CSPG4: variants seen among roughly 807,000 people sequenced by gnomAD.
CSPG4 encodes chondroitin sulfate proteoglycan 4 (melanoma-associated).
In CSPG4, 74 loss-of-function variants were observed where a neutral mutation model predicts 139.3. The observed-to-expected ratio is 0.53, with a 90% CI of 0.44 to 0.64. The LOEUF is 0.64. Among genes scored for constraint, CSPG4 ranks in the 30% least tolerant of loss-of-function variants. The pLI is 0.00. For synonymous variants in CSPG4, 1,234 were observed against 1,394.2 expected (o/e 0.89, Z 2.56); for missense variants, 2,565 against 3,148.3 (o/e 0.81, Z 4.43).
intron 3 of CSPG4, among the ~76,000 whole-genome samples, chr15:75,686,920 C>T (rs1894067558): frequency 6.6e-6 from 1 of 152,154 alleles, no homozygotes; most frequent in Admixed American, 6.5e-5. Context: ...ATCCCCAAAG[C>T]TCAGGACCCG....
At chr15:75,691,635 G>T (rs1196228501) in intron 2 of CSPG4, among the ~76,000 whole-genome samples, 2 of 152,118 alleles carry the variant, frequency 1.3e-5, no homozygotes, top group African/African-American at 2.4e-5. Context: ...AATACTCTGT[G>T]TTCTGAAAAA....
Position 75,687,910 on chromosome 15 carries a change from G to A in CSPG4, c.3155C>T (p.Ala1052Val). The change falls in exon 3 of 10, where the codon GCT becomes GTT. Residue 1052 changes from alanine to valine, a missense_variant. By Grantham distance (64) the Ala-to-Val change is moderately conservative. This residue lies in a region of CSPG4 where 2,316 missense variants were observed against 2,818.2 expected (regional missense o/e 0.82). Transcript: ENST00000308508. This position sits in a 1 kb window ranked among gnomAD's most constrained non-coding sequence, Gnocchi z 5.4. Reference sequence around the variant, plus strand: ...GCGGGTAAGCACCAGCTGGGCGTCAGCAAAGCCCGAGTCAGCATCGCTGAA... The same window carrying A: ...GCGGGTAAGCACCAGCTGGGCGTCAACAAAGCCCGAGTCAGCATCGCTGAA... ...VAFSDADSGF[A>V]DAQLVLTRKD... 1 of 1,612,976 alleles carries A rather than the reference G, an allele frequency of 6.2e-7. No homozygotes were observed. Among genetic ancestry groups the A allele is most frequent in the Non-Finnish European group, 8.5e-7 (1 of 1,180,038 alleles).
At chr15:75,677,476 T>TC (rs1596005429) in intron 9 of CSPG4, 92 bp from the exon 10 acceptor site, 1 of 1,330,530 alleles carries the variant, frequency 7.5e-7, no homozygotes, top group Non-Finnish European at 9.9e-7. Flanking sequence ...AGGATGTGCC[T>TC]CCCCCCAACC....
In CSPG4 at chr15:75,676,227, G is replaced by GCACGCGGAC. The variant is rs763615709; in HGVS notation, c.6283_6291dup (p.Val2095_Val2097dup). The GCACGCGGAC allele has an allele frequency of 2.6e-6, 4 of 1,552,142 alleles. No homozygotes were observed. The South Asian group carries it at 4.6e-5, about 18-fold the overall frequency. Reference sequence around the variant, plus strand: ...CCCCCGGGCTCCGTCCTGGCTCGGGGCACGCGGACCACGCGGCCATGCCGG... The same window carrying GCACGCGGAC: ...CCCCCGGGCTCCGTCCTGGCTCGGGGCACGCGGACCACGCGGACCACGCGGCCATGCCGG... On this transcript the variant is annotated inframe_insertion, in exon 10 of 10. Transcript: ENST00000308508.
intron 5 of CSPG4, among the ~76,000 whole-genome samples, chr15:75,683,456 C>T (rs1221639780): frequency 6.6e-6 from 1 of 152,174 alleles, no homozygotes; most frequent in East Asian, 1.9e-4. Context: ...GTGTGCCTGG[C>T]CGGGGCCGGG....
rs1456500487 is a variant in CSPG4 at position 75,685,587 on chromosome 15, G to A, written c.3904C>T (p.Leu1302=). The A allele has an allele frequency of 6.2e-7, 1 of 1,609,636 alleles. No homozygotes were observed. The highest frequency in any genetic ancestry group is 1.7e-5 in the Admixed American group (1 of 59,782). ...RGALADEPPS[L]DPVQSFSQEA... is the part of the protein sequence containing the mutation. The stretch of plus-strand genomic sequence containing the variant: ...TGGGAGAAGCTCTGCACAGGGTCCA[G>A]GCTGGGTGGCTCATCTGCCAAGGCG... Residue 1302 remains leucine (L), a synonymous_variant, in exon 4 of 10, where the codon CTG becomes TTG. Coordinates refer to ENST00000308508, the MANE Select transcript of CSPG4 (RefSeq NM_001897.5).
chr15:75,675,292 G>A lies in CSPG4; in HGVS notation c.*258C>T, dbSNP rs1893873119. On this transcript the variant is annotated 3_prime_UTR_variant, in exon 10 of 10. Coordinates refer to ENST00000308508, the MANE Select transcript of CSPG4 (RefSeq NM_001897.5). ...GACAGCCCAAACCAGCTCCAGGGCA[G>A]GAGGACTGAACTTAAGCCTGCCTCC... is the stretch of plus-strand genomic sequence containing the variant. 2.7e-6 allele frequency: 1 copy of A among 373,936 alleles called. No homozygotes were observed. Among genetic ancestry groups the A allele is most frequent in the South Asian group, 1.4e-4 (1 of 6,924 alleles). The allele number at this position is 373,936 out of a possible 1,614,324, so 23.2% of individuals were successfully genotyped here. A position where few individuals can be genotyped will look rare whatever the true frequency, so the allele number is the denominator to read the frequency against.
chr15:75,700,061 A>G (rs1423697890), intron 1 of CSPG4, among the ~76,000 whole-genome samples: 1 of 152,122 alleles, frequency 6.6e-6, no homozygotes, highest in African/African-American at 2.4e-5. Flanking sequence ...GGCATCTCCC[A>G]TGTTACAGGT....
At chr15:75,712,863 T>C (rs995148522), upstream of CSPG4, 172 of 934,252 alleles carry the variant, frequency 1.8e-4, 1 homozygote, top group Non-Finnish European at 2.3e-4. Context: ...CGGCTCCGGG[T>C]GTCCGCGCAC....
At chr15:75,684,472 AG>A (rs1894024033) in intron 5 of CSPG4, among the ~76,000 whole-genome samples, 2 of 152,386 alleles carry the variant, frequency 1.3e-5, no homozygotes, top group Non-Finnish European at 2.9e-5. Flanking sequence ...CCACAGAAGA[AG>A]GAACAGCAGA....
In CSPG4 at chr15:75,678,591, C is replaced by T. The variant is rs371786826; in HGVS notation, c.4951-705G>A. On this transcript the variant is annotated intron_variant, in intron 8 of 9. Coordinates refer to ENST00000308508, the MANE Select transcript of CSPG4 (RefSeq NM_001897.5). ...CTGGTCTTGAACTTCTGGGCTCAAG[C>T]GGTCCACTTGCCTCGGCCTCCCAGA... 3.8e-4 allele frequency: 171 copies of T among 453,468 alleles called. 1 individual carries two copies. Among genetic ancestry groups the T allele is most frequent in the African/African-American group, 2.9e-3 (146 of 50,128 alleles). 28.1% of individuals were successfully genotyped at this position (453,468 alleles called of 1,614,324 possible).
intron 1 of CSPG4, among the ~76,000 whole-genome samples, chr15:75,706,587 C>T (rs1894376403): frequency 1.3e-5 from 2 of 152,120 alleles, no homozygotes; most frequent in South Asian, 4.1e-4. Context: ...AGGAGAGGGG[C>T]CATCCAGGTC....
Position 75,689,235 on chromosome 15 carries a change from C to T in CSPG4, c.1830G>A (p.Gly610=), listed in dbSNP as rs763597889. ...GGCAGGAGAACTCGGTCGCCGGCTC[C>T]CCAGGCTGGTCTCGGCGCTCCACGG... ...GLPVERRDQP[G]EPATEFSCRE... is the part of the protein sequence containing the mutation. Residue 610 remains glycine, a synonymous_variant, in exon 3 of 10, where the codon GGG becomes GGA. Coordinates refer to ENST00000308508, the MANE Select transcript of CSPG4 (RefSeq NM_001897.5). The T allele has an allele frequency of 6.2e-5, 100 of 1,610,130 alleles. 1 individual carries two copies. The highest frequency in any genetic ancestry group is 1.0e-4 in the Admixed American group (6 of 59,972).
At chr15:75,685,752 A>G (rs1195807998) in intron 3 of CSPG4, 51 bp from the exon 4 acceptor site, 1 of 1,534,890 alleles carries the variant, frequency 6.5e-7, no homozygotes, top group East Asian at 2.3e-5. Context: ...AGGGGGTCTC[A>G]GAGGGGTCCA....
intron 3 of CSPG4, among the ~76,000 whole-genome samples, chr15:75,686,288 C>T (rs1027499100): frequency 6.6e-6 from 1 of 152,356 alleles, no homozygotes; most frequent in East Asian, 1.9e-4. Flanking sequence ...CACACACACA[C>T]AGGCCCCCCT....
In CSPG4 at chr15:75,676,103, C is replaced by T. The variant is rs756113110; in HGVS notation, c.6416G>A (p.Gly2139Asp). 15 of 1,534,214 alleles carry T rather than the reference C, an allele frequency of 9.8e-6. No homozygotes were observed. The highest frequency in any genetic ancestry group is 1.3e-5 in the Non-Finnish European group (15 of 1,144,178). Residue 2139 changes from glycine (G) to aspartate (D), a missense_variant, in exon 10 of 10, where the codon GGT becomes GAT. Gly to Asp is a moderately conservative substitution (Grantham distance 94). This residue lies in a region of CSPG4 where 2,316 missense variants were observed against 2,818.2 expected (regional missense o/e 0.82). Coordinates refer to ENST00000308508, the MANE Select transcript of CSPG4 (RefSeq NM_001897.5). ...CCACAGCTCCAGAGTGAGACTGTCA[C>T]CTGCGGGGCCGGGGGCCCTCCCCTC... Reference protein sequence around the residue: ...RPEGRAPGPAGDSLTLELWAQ... With the variant: ...RPEGRAPGPADDSLTLELWAQ...
chr15:75,685,793 A>G (rs1021825617), intron 3 of CSPG4, 92 bp from the exon 4 acceptor site: 48 of 1,367,330 alleles, frequency 3.5e-5, no homozygotes, highest in African/African-American at 4.4e-5. Context: ...AACAGGCTTG[A>G]TCTTGCCCCA....
chr15:75,705,613 C>T (rs989413110), intron 1 of CSPG4, among the ~76,000 whole-genome samples: 5 of 152,240 alleles, frequency 3.3e-5, no homozygotes, highest in Non-Finnish European at 5.9e-5. Flanking sequence ...CATAGAGCGT[C>T]AGGGCTGGAA....
At chr15:75,711,212 TTTTC>T in intron 1 of CSPG4, among the ~76,000 whole-genome samples, 1 of 150,480 alleles carries the variant, frequency 6.6e-6, no homozygotes, top group African/African-American at 2.4e-5. Flanking sequence ...CCCTCTGTAC[TTTTC>T]ATCCAGATTT....
Sources: gnomAD v4.1 joint callset for allele counts (sites outside exome capture counted in the v4.1 genomes callset) on GRCh38, gnomAD v4.1.1 for gene constraint, gnomAD v4.1.1 regional missense constraint, Gnocchi (gnomAD v3.1) non-coding constraint, MANE v1.5 for transcripts, NCBI Gene and HGNC (gene_info 2026-07-23, HGNC 2026-07-21) for gene names.